Variants in DIAPH2 observed in about 807,000 individuals in gnomAD.
DIAPH2 encodes the protein diaphanous related formin 2.
Under a neutral mutation model 92.7 loss-of-function variants are expected in DIAPH2, and 35 were observed. The observed-to-expected ratio is 0.38, with a 90% confidence interval of 0.29 to 0.50. The LOEUF is 0.50. Ranked by LOEUF, DIAPH2 falls within the 20% of genes least tolerant of loss-of-function variation. The pLI is 0.94. For missense variants in DIAPH2, 701 were observed against 819.5 expected, an observed-to-expected ratio of 0.86 and a Z score of 1.77; for synonymous variants, 301 against 280.4, an observed-to-expected ratio of 1.07 and a Z score of -0.73.
intron 21 of DIAPH2, among the ~76,000 whole-genome samples, chrX:97,132,484 T>G (rs1043217052): frequency 8.9e-6 from 1 of 112,067 alleles, no homozygotes; most frequent in Non-Finnish European, 1.9e-5. Flanking sequence ...TTTTTCAATG[T>G]TACTGCAGTG....
intron 3 of DIAPH2, among the ~76,000 whole-genome samples, chrX:96,750,981 C>T (rs1449457261): frequency 8.9e-6 from 1 of 112,298 alleles, no homozygotes; most frequent in African/African-American, 3.2e-5. Context: ...CTTCTAAACA[C>T]ATATCATTAA....
chrX:97,524,657 A>G (rs1332085251), intron 26 of DIAPH2, among the ~76,000 whole-genome samples: 1 of 112,157 alleles, frequency 8.9e-6, no homozygotes, highest in Non-Finnish European at 1.9e-5. Context: ...ATTTCTCTAC[A>G]AAGTTGAAAT....
At chrX:96,708,398 C>T (rs183708050) in intron 1 of DIAPH2, among the ~76,000 whole-genome samples, 2 of 109,805 alleles carry the variant, frequency 1.8e-5, no homozygotes, top group East Asian at 2.9e-4. Context: ...CCTGCCACCG[C>T]GCCTGGCTAA....
At chrX:96,870,101 T>G (rs2147733986) in intron 4 of DIAPH2, among the ~76,000 whole-genome samples, 1 of 111,389 alleles carries the variant, frequency 9.0e-6, no homozygotes, top group South Asian at 3.9e-4. Context: ...GACAGTTAGA[T>G]ATAGTCTCAG....
intron 22 of DIAPH2, among the ~76,000 whole-genome samples, chrX:97,214,397 A>G (rs558242366): frequency 1.3e-4 from 14 of 110,380 alleles, no homozygotes; most frequent in African/African-American, 4.3e-4. Context: ...TGCGCCCAGG[A>G]GTTTGAGGCC....
intron 26 of DIAPH2, among the ~76,000 whole-genome samples, chrX:97,511,780 T>C (rs1396532985): frequency 7.2e-5 from 8 of 111,244 alleles, no homozygotes; most frequent in African/African-American, 2.6e-4. Context: ...GTGGTTTTTG[T>C]CTTTGACTCT....
intron 1 of DIAPH2, among the ~76,000 whole-genome samples, chrX:96,696,156 A>G (rs1230455581): frequency 1.8e-5 from 2 of 111,741 alleles, no homozygotes; most frequent in African/African-American, 6.5e-5. Flanking sequence ...CCAAGGCAGG[A>G]GGATTGCTTG....
chrX:97,394,319 A>G (rs2069686043), intron 25 of DIAPH2, among the ~76,000 whole-genome samples: 1 of 111,873 alleles, frequency 8.9e-6, no homozygotes, highest in East Asian at 2.8e-4. Flanking sequence ...ACAAAGTAAA[A>G]CAAGTTTGTA....
chrX:97,576,709 AATTT>A (rs1472687441), intron 26 of DIAPH2, among the ~76,000 whole-genome samples: 1 of 111,338 alleles, frequency 9.0e-6, no homozygotes, highest in Admixed American at 9.5e-5. Flanking sequence ...GAAAAGAATG[AATTT>A]ATTTATATAG....
At chrX:97,443,135 A>G (rs1485664989) in intron 26 of DIAPH2, among the ~76,000 whole-genome samples, 1 of 111,466 alleles carries the variant, frequency 9.0e-6, no homozygotes, top group Non-Finnish European at 1.9e-5. Flanking sequence ...TCCTGGGCTT[A>G]AGCAGTTCCT....
At chrX:97,130,934 A>G (rs2067133647) in intron 21 of DIAPH2, among the ~76,000 whole-genome samples, 1 of 110,193 alleles carries the variant, frequency 9.1e-6, no homozygotes, top group East Asian at 2.8e-4. Context: ...GCAAAACCCC[A>G]TCTCTACAGA....
chrX:97,187,286 T>TTTTTTTTG (rs2067614642), intron 22 of DIAPH2, among the ~76,000 whole-genome samples: 1 of 60,355 alleles, frequency 1.7e-5, no homozygotes, highest in Admixed American at 2.0e-4. Context: ...GTAGCCTTTT[T>TTTTTTTTG]TTTTTTTTTT....
At chrX:97,192,557 C>CCTGTAAATG (rs1187858746) in intron 22 of DIAPH2, among the ~76,000 whole-genome samples, 13 of 111,273 alleles carry the variant, frequency 1.2e-4, no homozygotes, top group Admixed American at 9.6e-4. Flanking sequence ...TTTTCATCAG[C>CCTGTAAATG]CTGTAAATGA....
chrX:97,033,103 C>CT (rs2066387722), intron 17 of DIAPH2, among the ~76,000 whole-genome samples: 1 of 111,607 alleles, frequency 9.0e-6, no homozygotes, highest in African/African-American at 3.3e-5. Context: ...GAGGTTGCTT[C>CT]TTTTTCTGGT....
chrX:96,969,849 G>A (rs1405117192), intron 17 of DIAPH2, among the ~76,000 whole-genome samples: 1 of 111,488 alleles, frequency 9.0e-6, no homozygotes, highest in African/African-American at 3.3e-5. Context: ...CCTCCATTCA[G>A]TATGATGTTG....
chrX:96,837,553 CTT>C (rs752054915), intron 4 of DIAPH2, among the ~76,000 whole-genome samples: 5 of 109,855 alleles, frequency 4.6e-5, no homozygotes, highest in African/African-American at 1.3e-4. Flanking sequence ...AAAAGCAACT[CTT>C]TGAGCAATTC....
chrX:96,920,672 A>G (rs974826434), intron 9 of DIAPH2, among the ~76,000 whole-genome samples: 2 of 112,009 alleles, frequency 1.8e-5, no homozygotes, highest in Non-Finnish European at 3.8e-5. Flanking sequence ...GTTCACCCCA[A>G]ACAATGAGAT....
intron 26 of DIAPH2, among the ~76,000 whole-genome samples, chrX:97,524,669 T>TC (rs2071013056): frequency 8.9e-6 from 1 of 112,286 alleles, no homozygotes; most frequent in East Asian, 2.8e-4. Flanking sequence ...AGTTGAAATT[T>TC]ATTGTTGTTT....
At chrX:96,962,436 T>C (rs1294994381) in intron 16 of DIAPH2, among the ~76,000 whole-genome samples, 2 of 75,423 alleles carry the variant, frequency 2.7e-5, no homozygotes, top group African/African-American at 1.2e-4. Context: ...TATACATATA[T>C]ATATACATAT....
Sources: allele counts gnomAD v4.1 joint callset (sites outside exome capture counted in the v4.1 genomes callset), GRCh38; gene constraint gnomAD v4.1.1; transcripts MANE v1.5; gene names NCBI Gene and HGNC (gene_info 2026-07-23, HGNC 2026-07-21).